Variants in AHRR observed in about 807,000 individuals in gnomAD.
AHRR encodes ahR repressor.
In AHRR, 28 loss-of-function variants were observed where a neutral mutation model predicts 44.0. The ratio of observed to expected loss-of-function variants is 0.64; its 90% CI spans 0.47 to 0.87. The LOEUF is 0.87. Ranked by LOEUF, AHRR falls within the 40% of genes least tolerant of loss-of-function variation. The probability of loss-of-function intolerance (pLI) is 0.00; values close to 1 mark genes in which losing one functional copy is unlikely to be tolerated. For synonymous variants in AHRR, 434 were observed against 407.0 expected, an observed-to-expected ratio of 1.07 and a Z score of -0.80; for missense variants, 990 against 953.9, an observed-to-expected ratio of 1.04 and a Z score of -0.50.
intron 1 of AHRR, among the ~76,000 whole-genome samples, chr5:335,664 C>A (rs1170682528): frequency 6.6e-6 from 1 of 152,224 alleles, no homozygotes; most frequent in Non-Finnish European, 1.5e-5. Flanking sequence ...GAGGGTGGGG[C>A]CAGTCCTAGC....
chr5:377,730 C>G (rs1733789391), intron 4 of AHRR, among the ~76,000 whole-genome samples: 1 of 152,226 alleles, frequency 6.6e-6, no homozygotes. Context: ...TGGGTCCCAG[C>G]TCCTGGGGCC....
At chr5:400,498 C>T (rs1393270501) in intron 4 of AHRR, among the ~76,000 whole-genome samples, 1 of 150,034 alleles carries the variant, frequency 6.7e-6, no homozygotes, top group Non-Finnish European at 1.5e-5. Flanking sequence ...AGAGCCTTAA[C>T]CTTAGAGCCA....
In AHRR at chr5:405,207, C is replaced by T. The variant is rs1267742970; in HGVS notation, c.352-8137C>T. Among the ~76,000 whole-genome samples the T allele has an allele frequency of 6.6e-6, 1 of 152,096 alleles. No homozygotes were observed. The highest frequency in any genetic ancestry group is 1.5e-5 in the Non-Finnish European group (1 of 68,028). On this transcript the variant is annotated intron_variant, in intron 4 of 10. Transcript: ENST00000684583. The surrounding 1 kb of genome is among the most constrained non-coding windows in gnomAD (Gnocchi z 4.5). ...ATTCACCAGACTTTCTGCTCACGAC[C>T]CAAAGAGGTTAGCATGGAACCAACC...
At chr5:351,030 A>T (rs1375599703) in intron 2 of AHRR, among the ~76,000 whole-genome samples, 1 of 151,754 alleles carries the variant, frequency 6.6e-6, no homozygotes, top group African/African-American at 2.4e-5. Flanking sequence ...CATTAGAAAA[A>T]TGCAAATCAA....
At chr5:410,665 T>G (rs1735435856) in intron 4 of AHRR, among the ~76,000 whole-genome samples, 2 of 152,238 alleles carry the variant, frequency 1.3e-5, no homozygotes, top group African/African-American at 4.8e-5. Flanking sequence ...TGTGTATCTC[T>G]CAGTTTATTC....
At chr5:421,164 G>A (rs551931934) in intron 5 of AHRR, 7 of 583,012 alleles carry the variant, frequency 1.2e-5, no homozygotes, top group African/African-American at 8.0e-5. Flanking sequence ...CTGGGAGGCC[G>A]CTCTGGCGCC....
rs1204875824 is a variant in AHRR at position 388,281 on chromosome 5, C to G, written c.351+11565C>G. On this transcript the variant is annotated intron_variant, in intron 4 of 10. Transcript: ENST00000684583. This position sits in a 1 kb window ranked among gnomAD's most constrained non-coding sequence, Gnocchi z 5.2. Reference sequence around the variant, plus strand: ...CTCAGGCCTCCCCCCGTCCCGAACCCAAGCCCTGAACTGCTGTCGTACACA... The same window carrying G: ...CTCAGGCCTCCCCCCGTCCCGAACCGAAGCCCTGAACTGCTGTCGTACACA... Among the ~76,000 whole-genome samples the G allele has an allele frequency of 6.6e-6, 1 of 152,250 alleles. No homozygotes were observed. Among genetic ancestry groups the G allele is most frequent in the Non-Finnish European group, 1.5e-5 (1 of 68,046 alleles).
At chr5:394,677 C>T (rs1263201161) in intron 4 of AHRR, among the ~76,000 whole-genome samples, 1 of 152,168 alleles carries the variant, frequency 6.6e-6, no homozygotes, top group Admixed American at 6.5e-5. Context: ...TCGCCCGTTG[C>T]TTGGCTCCAC....
rs1030376184 is a variant in AHRR at position 388,948 on chromosome 5, C to G, written c.351+12232C>G. ...GAGAGAAGATGGAGCCGAGTGAGGA[C>G]CCAAGAGCAAAGGGCCCCAAGCAGT... On this transcript the variant is annotated intron_variant, in intron 4 of 10. Coordinates refer to ENST00000684583, the MANE Select transcript of AHRR (RefSeq NM_001377236.1). The surrounding 1 kb of genome is among the most constrained non-coding windows in gnomAD (Gnocchi z 5.2). 6.6e-6 allele frequency among the ~76,000 whole-genome samples: 1 copy of G among 152,100 alleles called. No homozygotes were observed. Among genetic ancestry groups the G allele is most frequent in the Non-Finnish European group, 1.5e-5 (1 of 68,012 alleles).
chr5:389,113 C>T (rs552724631), intron 4 of AHRR, among the ~76,000 whole-genome samples: 8 of 151,782 alleles, frequency 5.3e-5, no homozygotes, highest in South Asian at 2.1e-4. Flanking sequence ...AGGGACCAGC[C>T]GCCCCATGAG....
At chr5:365,783 A>T (rs1414695553) in intron 3 of AHRR, among the ~76,000 whole-genome samples, 1 of 152,214 alleles carries the variant, frequency 6.6e-6, no homozygotes, top group Non-Finnish European at 1.5e-5. Context: ...AATTCCTAGA[A>T]AATATAACTT....
rs772710483 is a variant in AHRR, at chr5:324,756, T to A, written c.-11+2937T>A. ...GTGAGCCAAAGTCACACCATTGCAC[T>A]CCAGCCTGGGCAACAAGAGTGAAAC... is the stretch of plus-strand genomic sequence containing the variant. On this transcript the variant is annotated intron_variant, in intron 1 of 10. Transcript: ENST00000684583. Among the ~76,000 whole-genome samples, 52 of 152,084 alleles carry A rather than the reference T, an allele frequency of 3.4e-4. 1 individual carries two copies. The highest frequency in any genetic ancestry group is 6.2e-4 in the Non-Finnish European group (42 of 67,984).
At chr5:421,195 G>A in intron 5 of AHRR, 1 of 650,790 alleles carries the variant, frequency 1.5e-6, no homozygotes, top group Non-Finnish European at 2.8e-6. Flanking sequence ...CGGGCAGGAG[G>A]CCCTTGCGGA....
At chr5:415,664 C>T (rs1287121379) in intron 5 of AHRR, among the ~76,000 whole-genome samples, 5 of 120,622 alleles carry the variant, frequency 4.1e-5, no homozygotes, top group African/African-American at 1.5e-4. Context: ...GCCTAGGGGC[C>T]GAATCTGCCT....
chr5:355,830 C>T (rs150844174), intron 3 of AHRR, among the ~76,000 whole-genome samples: 209 of 152,356 alleles, frequency 1.4e-3, no homozygotes, highest in Non-Finnish European at 2.4e-3. Flanking sequence ...CACCGGCTTA[C>T]GAGAGTGCTG....
chr5:398,762 G>T (rs11958252), intron 4 of AHRR, among the ~76,000 whole-genome samples: 15,141 of 152,268 alleles, frequency 0.099, 1,013 homozygotes, highest in Admixed American at 0.13. Flanking sequence ...GGGCTGGGCT[G>T]GCAGGGCCTT....
intron 4 of AHRR, among the ~76,000 whole-genome samples, chr5:397,796 G>A (rs1734804565): frequency 2.9e-5 from 3 of 102,582 alleles, no homozygotes; most frequent in Admixed American, 1.1e-4. Flanking sequence ...GACCATCCAC[G>A]TAGCCCCTGA....
chr5:396,574 G>A (rs1734716373), intron 4 of AHRR, among the ~76,000 whole-genome samples: 1 of 152,192 alleles, frequency 6.6e-6, no homozygotes, highest in Admixed American at 6.5e-5. Flanking sequence ...CGGCCTTTCT[G>A]CTAAGAGAAA....
intron 3 of AHRR, among the ~76,000 whole-genome samples, chr5:366,808 C>A (rs747310086): frequency 1.3e-5 from 2 of 152,084 alleles, no homozygotes; most frequent in African/African-American, 4.8e-5. Flanking sequence ...GGTCTAATCA[C>A]GAGGAAACAC....
Sources: allele counts gnomAD v4.1 joint callset (sites outside exome capture counted in the v4.1 genomes callset), GRCh38; gene constraint gnomAD v4.1.1; non-coding constraint Gnocchi (gnomAD v3.1); transcripts MANE v1.5; gene names NCBI Gene and HGNC (gene_info 2026-07-23, HGNC 2026-07-21).